Variants in RBFOX1 observed in about 807,000 individuals in gnomAD.
RBFOX1 encodes the protein RNA binding fox-1 homolog 1.
Under a neutral mutation model 57.7 loss-of-function variants are expected in RBFOX1, and 8 were observed. That is an observed-to-expected ratio of 0.14 (90% CI 0.08 to 0.25). The LOEUF (loss-of-function observed/expected upper bound fraction) is 0.25, where lower values mean the gene tolerates loss of function less well. RBFOX1 is among the 10% of genes least tolerant of loss of function. The probability of loss-of-function intolerance (pLI) is 1.00; values close to 1 mark genes in which losing one functional copy is unlikely to be tolerated. For missense variants in RBFOX1, 611 were observed against 548.5 expected, an observed-to-expected ratio of 1.11 and a Z score of -1.14; for synonymous variants, 326 against 222.4, an observed-to-expected ratio of 1.47 and a Z score of -4.15.
At chr16:7,707,811 T>C (rs1293095941) in intron 14 of RBFOX1, among the ~76,000 whole-genome samples, 2 of 152,156 alleles carry the variant, frequency 1.3e-5, no homozygotes, top group East Asian at 1.9e-4. Flanking sequence ...ATCTCAGACG[T>C]TGCGTTTTTT....
At chr16:6,631,561 A>C (rs2098385326) in intron 2 of RBFOX1, among the ~76,000 whole-genome samples, 1 of 151,918 alleles carries the variant, frequency 6.6e-6, no homozygotes, top group South Asian at 2.1e-4. Flanking sequence ...TACAGCATGG[A>C]AAAAAGACAA....
chr16:6,691,500 G>A (rs1347258064), intron 3 of RBFOX1, among the ~76,000 whole-genome samples: 1 of 151,876 alleles, frequency 6.6e-6, no homozygotes, highest in Non-Finnish European at 1.5e-5. Context: ...AGTTTGGGAA[G>A]TAAAATCATT....
At position 7,602,803 on chromosome 16, in the gene RBFOX1, G is replaced by A. The variant is rs143996001; in HGVS notation, c.623-4482G>A. Among the ~76,000 whole-genome samples the A allele has an allele frequency of 3.5e-3, 537 of 152,184 alleles. 4 individuals are homozygous for A. Among genetic ancestry groups the A allele is most frequent in the African/African-American group, 0.012 (502 of 41,514 alleles). ...ATACATCATCTACTCATCAACACAC[G>A]GAACATTGTCCAGGATAAGCCACAT... On this transcript the variant is annotated intron_variant, in intron 9 of 15. Transcript: ENST00000550418.
At chr16:5,252,931 G>A (rs72775752) in intron 1 of RBFOX1, among the ~76,000 whole-genome samples, 93 of 152,128 alleles carry the variant, frequency 6.1e-4, no homozygotes, top group Non-Finnish European at 9.4e-4. Flanking sequence ...AACAAATAAA[G>A]CACTGCATTT....
chr16:5,270,653 T>C (rs2062981291), intron 1 of RBFOX1: 1 of 548,170 alleles, frequency 1.8e-6, no homozygotes, highest in Non-Finnish European at 3.4e-6. Context: ...GCACCAACAG[T>C]CTGCCAAATC....
At chr16:5,498,218 C>G (rs1459232032) in intron 2 of RBFOX1, among the ~76,000 whole-genome samples, 1 of 152,192 alleles carries the variant, frequency 6.6e-6, no homozygotes, top group Non-Finnish European at 1.5e-5. Context: ...TCTCGGCCCA[C>G]TGCAACTTCT....
rs143491526 is a variant in RBFOX1 at position 7,439,094 on chromosome 16, A to T, written c.28-79053A>T. 2.3e-3 allele frequency among the ~76,000 whole-genome samples: 353 copies of T among 152,322 alleles called. 3 individuals are homozygous for T. Among genetic ancestry groups the T allele is most frequent in the Middle Eastern group, 0.01 (3 of 294 alleles). On this transcript the variant is annotated intron_variant, in intron 4 of 15. Coordinates refer to ENST00000550418, the MANE Select transcript of RBFOX1 (RefSeq NM_018723.4). ...CTCTCTGTGCACTCTCAGTGTGCAC[A>T]GAGGAGCATGGTCCTCGCGCTGGCA... is the stretch of plus-strand genomic sequence containing the variant.
intron 1 of RBFOX1, among the ~76,000 whole-genome samples, chr16:6,284,319 A>G (rs745886193): frequency 5.9e-5 from 9 of 152,258 alleles, no homozygotes; most frequent in East Asian, 3.9e-4. Flanking sequence ...TCAATTTTCA[A>G]TCAGTTCACA....
chr16:6,644,336 C>T (rs905968587), intron 2 of RBFOX1, among the ~76,000 whole-genome samples: 3 of 152,182 alleles, frequency 2.0e-5, no homozygotes, highest in African/African-American at 4.8e-5. Flanking sequence ...ACCTTGAATG[C>T]TTTTTGGAGT....
At chr16:5,278,623 T>G (rs1471625756) in intron 1 of RBFOX1, among the ~76,000 whole-genome samples, 1 of 152,248 alleles carries the variant, frequency 6.6e-6, no homozygotes, top group Non-Finnish European at 1.5e-5. Flanking sequence ...TAATCCCATT[T>G]GTCTGATTTT....
At chr16:6,071,501 C>T (rs558728724) in intron 1 of RBFOX1, among the ~76,000 whole-genome samples, 101 of 151,614 alleles carry the variant, frequency 6.7e-4, no homozygotes, top group African/African-American at 2.4e-3. Context: ...TATAACAAAC[C>T]TGCATGTGTA....
intron 1 of RBFOX1, among the ~76,000 whole-genome samples, chr16:6,117,930 T>C (rs958247092): frequency 1.3e-5 from 2 of 152,228 alleles, no homozygotes; most frequent in African/African-American, 4.8e-5. Flanking sequence ...GCAGTAATTT[T>C]GTTGGTGATA....
chr16:6,955,344 A>G (rs553866649), intron 3 of RBFOX1, among the ~76,000 whole-genome samples: 1 of 95,158 alleles, frequency 1.1e-5, no homozygotes, highest in African/African-American at 5.2e-5. Context: ...CCTTCCCCAC[A>G]TATGCACACA....
intron 13 of RBFOX1, among the ~76,000 whole-genome samples, chr16:7,667,912 G>A (rs1199347267): frequency 6.6e-6 from 1 of 152,118 alleles, no homozygotes; most frequent in Non-Finnish European, 1.5e-5. Flanking sequence ...GACCTCAAGT[G>A]ATCCATCCGC....
chr16:7,010,213 G>A (rs1421730007), intron 3 of RBFOX1, among the ~76,000 whole-genome samples: 1 of 152,218 alleles, frequency 6.6e-6, no homozygotes, highest in East Asian at 1.9e-4. Flanking sequence ...TCATTATTAA[G>A]TCCTGAAGCT....
At chr16:5,667,487 C>T (rs532692597) in intron 3 of RBFOX1, among the ~76,000 whole-genome samples, 3 of 152,142 alleles carry the variant, frequency 2.0e-5, no homozygotes, top group Non-Finnish European at 4.4e-5. Context: ...TTTTGGGTTA[C>T]TTGTAGTTTT....
intron 2 of RBFOX1, among the ~76,000 whole-genome samples, chr16:6,366,778 T>C (rs980453212): frequency 6.6e-6 from 1 of 152,190 alleles, no homozygotes; most frequent in Non-Finnish European, 1.5e-5. Context: ...TGCAGAATGA[T>C]CATAAAGCAG....
intron 4 of RBFOX1, among the ~76,000 whole-genome samples, chr16:7,345,988 C>G (rs1036269529): frequency 2.6e-5 from 4 of 152,116 alleles, no homozygotes; most frequent in African/African-American, 7.2e-5. Context: ...TCCTCCAACC[C>G]CACAACAGGC....
chr16:6,294,921 C>T (rs991755217), intron 1 of RBFOX1, among the ~76,000 whole-genome samples: 4 of 152,044 alleles, frequency 2.6e-5, no homozygotes, highest in East Asian at 3.9e-4. Context: ...ATGTTTATTT[C>T]GTTTGTTCCT....
Sources: allele counts gnomAD v4.1 joint callset (sites outside exome capture counted in the v4.1 genomes callset), GRCh38; gene constraint gnomAD v4.1.1; transcripts MANE v1.5; gene names NCBI Gene and HGNC (gene_info 2026-07-23, HGNC 2026-07-21).